VMP1: variants seen among roughly 807,000 people sequenced by gnomAD.
VMP1 encodes the protein vacuole membrane protein 1.
VMP1 carries 11 observed loss-of-function variants against 56.0 expected under a neutral mutation model. That is an observed-to-expected ratio of 0.20 (90% CI 0.12 to 0.32). The LOEUF (loss-of-function observed/expected upper bound fraction) is 0.32, where lower values mean the gene tolerates loss of function less well. Among genes scored for constraint, VMP1 ranks in the 10% least tolerant of loss-of-function variants. The pLI, the probability that VMP1 is intolerant of heterozygous loss-of-function variation, is 1.00. For synonymous variants in VMP1, 149 were observed against 165.0 expected (o/e 0.90, Z 0.74); for missense variants, 296 against 490.3 (o/e 0.60, Z 3.74).
intron 1 of VMP1, among the ~76,000 whole-genome samples, chr17:59,717,893 C>T (rs940870235): frequency 5.9e-5 from 9 of 151,810 alleles, no homozygotes; most frequent in African/African-American, 2.2e-4. Flanking sequence ...ACACTCCAGC[C>T]TGGATGACAG....
chr17:59,727,349 T>C (rs1050821730), intron 1 of VMP1, among the ~76,000 whole-genome samples: 2 of 152,026 alleles, frequency 1.3e-5, no homozygotes, highest in Admixed American at 6.6e-5. Flanking sequence ...TCAGCCAGGG[T>C]GGTCTCGATC....
At chr17:59,805,414 T>G (rs757101783) in intron 7 of VMP1, among the ~76,000 whole-genome samples, 6 of 152,246 alleles carry the variant, frequency 3.9e-5, no homozygotes, top group Admixed American at 2.0e-4. Context: ...TTCTGTAGTC[T>G]TAAGTATGTT....
chr17:59,791,619 C>T (rs371860973), intron 7 of VMP1, among the ~76,000 whole-genome samples: 20 of 149,952 alleles, frequency 1.3e-4, no homozygotes, highest in African/African-American at 4.9e-4. Flanking sequence ...TACAGGCCAC[C>T]ACGCCCGGCT....
chr17:59,751,034 G>A (rs1004940392), intron 5 of VMP1, among the ~76,000 whole-genome samples: 5 of 144,474 alleles, frequency 3.5e-5, no homozygotes, highest in Admixed American at 7.4e-5. Context: ...CTGGGTTCAC[G>A]CCATTCCCCT....
In VMP1 at chr17:59,757,859, C is replaced by CT. The variant is rs66605258; in HGVS notation, c.415-7087dup. On this transcript the variant is annotated intron_variant, in intron 5 of 11. Transcript: ENST00000262291. Reference sequence around the variant, plus strand: ...AAATAAAACAGACCTTTATTTGCCACTTTTTTTTTTTTTTTTTTTTTTTTT... The same window carrying CT: ...AAATAAAACAGACCTTTATTTGCCACTTTTTTTTTTTTTTTTTTTTTTTTTT... Among the ~76,000 whole-genome samples the CT allele has an allele frequency of 5.2e-3, 474 of 91,276 alleles. 7 individuals carry two copies. The highest frequency in any genetic ancestry group is 6.8e-3 in the African/African-American group (164 of 24,106). 59.9% of individuals were successfully genotyped at this position (91,276 alleles called of 152,430 possible).
intron 7 of VMP1, among the ~76,000 whole-genome samples, chr17:59,788,449 T>C (rs1420478377): frequency 2.7e-5 from 4 of 150,686 alleles, no homozygotes; most frequent in Non-Finnish European, 4.4e-5. Context: ...ATCCCACCAC[T>C]GCACTCCAGC....
chr17:59,836,404 C>A (rs992302899), intron 10 of VMP1, among the ~76,000 whole-genome samples: 1 of 151,552 alleles, frequency 6.6e-6, no homozygotes, highest in South Asian at 2.1e-4. Context: ...CACCATGTTT[C>A]CCAGGATGGT....
At chr17:59,791,311 C>T (rs1380442995) in intron 7 of VMP1, among the ~76,000 whole-genome samples, 2 of 151,600 alleles carry the variant, frequency 1.3e-5, no homozygotes, top group Non-Finnish European at 2.9e-5. Flanking sequence ...GCCTCAGCCT[C>T]CAGAGTAGCT....
At position 59,839,864 on chromosome 17, in the gene VMP1, G is replaced by T. The variant is rs1214788269; in HGVS notation, c.1174G>T (p.Ala392Ser). 1 of 1,612,860 alleles carries T rather than the reference G, an allele frequency of 6.2e-7. No individual in the cohort carries two copies. The highest frequency in any genetic ancestry group is 1.3e-5 in the African/African-American group (1 of 74,980). ...CATTAACTCCATGGCACAAAGTTATGCCAAACGAATCCAGCAGCGGTTGAA... is the reference window on the plus strand; with the variant it reads ...CATTAACTCCATGGCACAAAGTTATTCCAAACGAATCCAGCAGCGGTTGAA... The part of the protein sequence containing the change: ...SIINSMAQSY[A>S]KRIQQRLNSE... Residue 392 changes from alanine to serine, a missense_variant, in exon 12 of 12, where the codon GCC (alanine) becomes TCC (serine). Ala to Ser is a moderately conservative substitution (Grantham distance 99). Coordinates refer to ENST00000262291, the MANE Select transcript of VMP1 (RefSeq NM_030938.5).
rs562797977 is a variant in VMP1 at position 59,732,582 on chromosome 17, A to G, written c.76+1060A>G. On this transcript the variant is annotated intron_variant, in intron 2 of 11. Coordinates refer to ENST00000262291, the MANE Select transcript of VMP1 (RefSeq NM_030938.5). The stretch of plus-strand genomic sequence containing the variant: ...ATCACCATATTGCCTTGCAGAGGAC[A>G]TTTTGCAGCACTGATCTGACTTTTG... 4.9e-4 allele frequency among the ~76,000 whole-genome samples: 75 copies of G among 152,218 alleles called. 1 individual carries two copies. In the South Asian group the frequency reaches 0.015, roughly 29 times the overall value.
chr17:59,755,170 C>T (rs933979358), intron 5 of VMP1, among the ~76,000 whole-genome samples: 7 of 151,226 alleles, frequency 4.6e-5, no homozygotes, highest in East Asian at 2.0e-4. Context: ...TGCAATGGCG[C>T]GATCTTGGCT....
Position 59,839,989 on chromosome 17 carries a change from A to G in VMP1, c.*78A>G. 6.4e-7 allele frequency: 1 copy of G among 1,557,424 alleles called. No homozygotes were observed. Among genetic ancestry groups the G allele is most frequent in the Non-Finnish European group, 8.7e-7 (1 of 1,155,486 alleles). On this transcript the variant is annotated 3_prime_UTR_variant, in exon 12 of 12. Coordinates refer to ENST00000262291, the MANE Select transcript of VMP1 (RefSeq NM_030938.5). ...TTGGGAGGACTCCAAGCCGGGAAGGAAAATTCCCTTTTCCAACCTGTATCA... is the reference window on the plus strand; with the variant it reads ...TTGGGAGGACTCCAAGCCGGGAAGGGAAATTCCCTTTTCCAACCTGTATCA...
At chr17:59,780,365 C>T (rs1227144505) in intron 7 of VMP1, among the ~76,000 whole-genome samples, 5 of 152,046 alleles carry the variant, frequency 3.3e-5, no homozygotes, top group Non-Finnish European at 7.4e-5. Context: ...CCAAGGTGGG[C>T]GGATCACTTG....
chr17:59,756,579 A>C (rs2035849425), intron 5 of VMP1, among the ~76,000 whole-genome samples: 1 of 152,222 alleles, frequency 6.6e-6, no homozygotes, highest in Non-Finnish European at 1.5e-5. Flanking sequence ...TTGTCCAAAC[A>C]ACTCCAGTCT....
intron 7 of VMP1, among the ~76,000 whole-genome samples, chr17:59,805,787 A>T (rs1444476429): frequency 6.6e-6 from 1 of 152,136 alleles, no homozygotes; most frequent in Non-Finnish European, 1.5e-5. Flanking sequence ...GTGTCTATTA[A>T]AGGTGACATT....
chr17:59,720,483 A>G (rs2034347948), intron 1 of VMP1, among the ~76,000 whole-genome samples: 1 of 152,212 alleles, frequency 6.6e-6, no homozygotes, highest in Non-Finnish European at 1.5e-5. Context: ...GCTTTTGTAT[A>G]GCATACTAAT....
chr17:59,841,217 G>T lies in VMP1; in HGVS notation c.*1306G>T. The T allele has an allele frequency of 2.2e-6, 1 of 449,422 alleles. No individual in the cohort carries two copies. 27.8% of individuals were successfully genotyped at this position (449,422 alleles called of 1,614,324 possible). The stretch of plus-strand genomic sequence containing the variant: ...TTTTTTTATCAAATCCTGCCTGACT[G>T]TCTGCTTGTTTTGCCTACCATCGTG... On this transcript the variant is annotated 3_prime_UTR_variant, in exon 12 of 12. Transcript: ENST00000262291.
In VMP1 at chr17:59,809,426, C is replaced by T. The variant is rs1438446789; in HGVS notation, c.795+550C>T. On this transcript the variant is annotated intron_variant, in intron 8 of 11. Transcript: ENST00000262291. ...CCACCTCCCGGGTTCAAACGATTCT[C>T]CTGCCTCAGCCTCCCAAAGTAGCTG... 5.5e-5 allele frequency among the ~76,000 whole-genome samples: 8 copies of T among 146,652 alleles called. No individual in the cohort carries two copies. The Admixed American group carries it at 5.5e-4, about 10-fold the overall frequency.
At chr17:59,828,091 A>G (rs2144308503) in intron 10 of VMP1, among the ~76,000 whole-genome samples, 1 of 152,066 alleles carries the variant, frequency 6.6e-6, no homozygotes, top group South Asian at 2.1e-4. Flanking sequence ...GATTTTTAAC[A>G]GAGTTTTGTT....
Sources: gnomAD v4.1 joint callset for allele counts (sites outside exome capture counted in the v4.1 genomes callset) on GRCh38, gnomAD v4.1.1 for gene constraint, MANE v1.5 for transcripts, NCBI Gene and HGNC (gene_info 2026-07-23, HGNC 2026-07-21) for gene names.